The following SLC13A3 variants were observed in gnomAD, a reference collection of about 807,000 sequenced individuals.
SLC13A3 encodes solute carrier family 13 member 3, also known as Na(+)/dicarboxylate cotransporter 3.
In SLC13A3, 40 loss-of-function variants were observed where a neutral mutation model predicts 59.0. That is an observed-to-expected ratio of 0.68 (90% CI 0.53 to 0.88). SLC13A3 has a LOEUF of 0.88. Ranked by LOEUF, SLC13A3 falls within the 40% of genes least tolerant of loss-of-function variation. SLC13A3 has a pLI of 0.00. For synonymous variants in SLC13A3, 317 were observed against 330.3 expected, an observed-to-expected ratio of 0.96 and a Z score of 0.44; for missense variants, 699 against 783.2, an observed-to-expected ratio of 0.89 and a Z score of 1.28.
At chr20:46,617,743 G>A (rs1445950863) in intron 1 of SLC13A3, among the ~76,000 whole-genome samples, 1 of 152,160 alleles carries the variant, frequency 6.6e-6, no homozygotes, top group African/African-American at 2.4e-5. Context: ...CCAGGCAGAA[G>A]AACATCCATG....
intron 1 of SLC13A3, among the ~76,000 whole-genome samples, chr20:46,626,567 A>T (rs1233726706): frequency 6.6e-6 from 1 of 152,116 alleles, no homozygotes; most frequent in African/African-American, 2.4e-5. Flanking sequence ...GCAGAGCCAG[A>T]GTGACCCCCA....
rs192723845 is a variant in SLC13A3, at chr20:46,581,173, A to C, written c.1219+2399T>G. Among the ~76,000 whole-genome samples, 339 of 152,260 alleles carry C rather than the reference A, an allele frequency of 2.2e-3. 4 individuals carry two copies. Among genetic ancestry groups the C allele is most frequent in the African/African-American group, 7.9e-3 (329 of 41,554 alleles). Reference sequence around the variant, plus strand: ...GGGTGAAGAAGCCAAGAACCCTCCCAGACTAAGCCCCAATTTGGGGGCTCG... The same window carrying C: ...GGGTGAAGAAGCCAAGAACCCTCCCCGACTAAGCCCCAATTTGGGGGCTCG... On this transcript the variant is annotated intron_variant, in intron 9 of 12. Coordinates refer to ENST00000279027, the MANE Select transcript of SLC13A3 (RefSeq NM_022829.6).
chr20:46,621,806 C>T (rs562906302), intron 1 of SLC13A3, among the ~76,000 whole-genome samples: 1 of 152,322 alleles, frequency 6.6e-6, no homozygotes, highest in Admixed American at 6.5e-5. Context: ...AGGAACTGTT[C>T]TCCCTACCGC....
At chr20:46,638,879 G>A (rs1415910146) in intron 1 of SLC13A3, among the ~76,000 whole-genome samples, 1 of 152,202 alleles carries the variant, frequency 6.6e-6, no homozygotes, top group Non-Finnish European at 1.5e-5. Context: ...CCCATCAGAT[G>A]CCAGTAGCAC....
intron 5 of SLC13A3, among the ~76,000 whole-genome samples, chr20:46,593,445 C>T (rs1210112398): frequency 6.6e-6 from 1 of 152,044 alleles, no homozygotes; most frequent in Non-Finnish European, 1.5e-5. Flanking sequence ...AAATAATAAA[C>T]CAAAACCTTA....
chr20:46,618,649 G>T (rs1044906097), intron 1 of SLC13A3, among the ~76,000 whole-genome samples: 3 of 152,174 alleles, frequency 2.0e-5, no homozygotes, highest in Non-Finnish European at 2.9e-5. Context: ...AAAGAGCAAG[G>T]CCCCACCAGG....
At chr20:46,646,238 T>A (rs1012126429) in intron 1 of SLC13A3, among the ~76,000 whole-genome samples, 4 of 152,162 alleles carry the variant, frequency 2.6e-5, no homozygotes, top group African/African-American at 9.7e-5. Context: ...AATCCAGGAC[T>A]AAGAGAGAAG....
At chr20:46,579,747 T>C (rs2062116314) in intron 9 of SLC13A3, among the ~76,000 whole-genome samples, 1 of 152,248 alleles carries the variant, frequency 6.6e-6, no homozygotes, top group East Asian at 1.9e-4. Context: ...TTTTTCAACT[T>C]GAATGAGTTG....
intron 6 of SLC13A3, among the ~76,000 whole-genome samples, chr20:46,590,996 CAA>C (rs555500205): frequency 8.1e-5 from 11 of 135,646 alleles, no homozygotes; most frequent in Non-Finnish European, 9.6e-5. Flanking sequence ...CTCTCTCTAC[CAA>C]AAAAAAAAAA....
At chr20:46,608,768 C>A in intron 3 of SLC13A3, 1 of 1,290,108 alleles carries the variant, frequency 7.8e-7, no homozygotes, top group Non-Finnish European at 1.0e-6. Context: ...AGAACTAGCA[C>A]ACAAAACCTA....
intron 1 of SLC13A3, among the ~76,000 whole-genome samples, chr20:46,666,472 T>TTTG (rs11469962): frequency 0.051 from 7,689 of 149,412 alleles, 386 homozygotes; most frequent in African/African-American, 0.12. Flanking sequence ...GTTTTGTTGC[T>TTTG]TTGTTGTTGT....
upstream of SLC13A3, among the ~76,000 whole-genome samples, chr20:46,655,955 A>G (rs1459107654): frequency 7.0e-6 from 1 of 142,866 alleles, no homozygotes; most frequent in Admixed American, 7.3e-5. Flanking sequence ...TATATACAGT[A>G]TACATATATG....
At chr20:46,589,115 C>T (rs745718533) in intron 7 of SLC13A3, 45 bp downstream of exon 7, 35 of 1,547,274 alleles carry the variant, frequency 2.3e-5, no homozygotes, top group African/African-American at 8.2e-5. Flanking sequence ...CTCTCCTGAG[C>T]GTTTAATACT....
At chr20:46,636,244 C>A (rs528551992) in intron 1 of SLC13A3, among the ~76,000 whole-genome samples, 49 of 152,174 alleles carry the variant, frequency 3.2e-4, no homozygotes, top group Non-Finnish European at 5.9e-4. Context: ...ACTGGGACCC[C>A]TTTCTGCCAA....
At chr20:46,567,196 C>CAT (rs1050612245) in intron 10 of SLC13A3, among the ~76,000 whole-genome samples, 40 of 152,072 alleles carry the variant, frequency 2.6e-4, no homozygotes, top group African/African-American at 8.9e-4. Flanking sequence ...TCAAAAGCTA[C>CAT]ATATATATAT....
At chr20:46,563,299 T>G in intron 12 of SLC13A3, 115 bp downstream of exon 12, 1 of 1,208,110 alleles carries the variant, frequency 8.3e-7, no homozygotes, top group East Asian at 2.6e-5. Flanking sequence ...CAGAAAGATC[T>G]ATTCAGAGAC....
chr20:46,621,257 T>A (rs2062611370), intron 1 of SLC13A3, among the ~76,000 whole-genome samples: 1 of 147,488 alleles, frequency 6.8e-6, no homozygotes, highest in African/African-American at 2.6e-5. Flanking sequence ...ACAAGGACAG[T>A]TTTGTGAGAG....
At chr20:46,575,392 C>CT (rs1648823487) in intron 10 of SLC13A3, among the ~76,000 whole-genome samples, 181 bp downstream of exon 10, 1 of 152,244 alleles carries the variant, frequency 6.6e-6, no homozygotes, top group Non-Finnish European at 1.5e-5. Context: ...TCATTCCTCT[C>CT]TTTCTCTGTA....
At chr20:46,562,823 C>A (rs1428127608) in intron 12 of SLC13A3, among the ~76,000 whole-genome samples, 1 of 152,178 alleles carries the variant, frequency 6.6e-6, no homozygotes, top group Non-Finnish European at 1.5e-5. Context: ...CTGCAGGGGT[C>A]TTGTGCCTGG....
Sources: gnomAD v4.1 joint callset for allele counts (sites outside exome capture counted in the v4.1 genomes callset) on GRCh38, gnomAD v4.1.1 for gene constraint, MANE v1.5 for transcripts, NCBI Gene and HGNC (gene_info 2026-07-23, HGNC 2026-07-21) for gene names.